PTPRA: variants seen among roughly 807,000 people sequenced by gnomAD.
The protein encoded by PTPRA is receptor-type tyrosine-protein phosphatase alpha.
Under a neutral mutation model 104.8 loss-of-function variants are expected in PTPRA, and 25 were observed. The observed-to-expected ratio is 0.24, with a 90% CI of 0.17 to 0.33. PTPRA has a LOEUF of 0.33. PTPRA is among the 10% of genes least tolerant of loss of function. The probability of loss-of-function intolerance (pLI) is 1.00; values close to 1 mark genes in which losing one functional copy is unlikely to be tolerated. For missense variants in PTPRA, 765 were observed against 1,015.3 expected, an observed-to-expected ratio of 0.75 and a Z score of 3.35; for synonymous variants, 323 against 368.9, an observed-to-expected ratio of 0.88 and a Z score of 1.43.
intron 1 of PTPRA, among the ~76,000 whole-genome samples, chr20:2,883,481 T>C (rs1265914288): frequency 2.6e-4 from 12 of 45,612 alleles, no homozygotes; most frequent in East Asian, 1.7e-3. Context: ...TGAAACCCCG[T>C]CTCCACTAAA....
chr20:2,909,313 G>C (rs953334004), intron 1 of PTPRA, among the ~76,000 whole-genome samples: 1 of 151,890 alleles, frequency 6.6e-6, no homozygotes, highest in African/African-American at 2.4e-5. Context: ...AACAAAACAG[G>C]CCTGGTGCGG....
At chr20:2,983,710 G>A (rs968764435) in intron 6 of PTPRA, among the ~76,000 whole-genome samples, 1 of 152,094 alleles carries the variant, frequency 6.6e-6, no homozygotes, top group African/African-American at 2.4e-5. Context: ...TTGAGCAACA[G>A]GGTGGGTTGG....
At chr20:2,926,124 T>C (rs997910730) in intron 2 of PTPRA, among the ~76,000 whole-genome samples, 2 of 152,188 alleles carry the variant, frequency 1.3e-5, no homozygotes, top group African/African-American at 2.4e-5. Context: ...GACAACATAA[T>C]TCTTTGCCTC....
chr20:2,927,010 C>CA (rs1338271015), intron 2 of PTPRA, among the ~76,000 whole-genome samples: 1 of 151,828 alleles, frequency 6.6e-6, no homozygotes, highest in Non-Finnish European at 1.5e-5. Flanking sequence ...AAGCTGGTCT[C>CA]AAACTTCTGG....
chr20:2,925,080 A>G (rs1413728658), intron 2 of PTPRA, among the ~76,000 whole-genome samples: 16 of 152,312 alleles, frequency 1.1e-4, no homozygotes, highest in Admixed American at 1.3e-4. Context: ...AAAGTATACA[A>G]TTCATTGGCA....
At chr20:2,941,477 T>G (rs1180382966) in intron 2 of PTPRA, among the ~76,000 whole-genome samples, 1 of 152,222 alleles carries the variant, frequency 6.6e-6, no homozygotes, top group African/African-American at 2.4e-5. Context: ...ATCTCCTTCC[T>G]TGTAACACTT....
the PTPRA span, chr20:2,866,501 A>C: frequency 6.2e-6 from 10 of 1,614,170 alleles, no homozygotes; most frequent in Non-Finnish European, 7.6e-6. Context: ...GTATTGTCCC[A>C]CTGCACGGGA....
At chr20:2,980,361 A>C (rs1404799210) in intron 6 of PTPRA, among the ~76,000 whole-genome samples, 1 of 151,894 alleles carries the variant, frequency 6.6e-6, no homozygotes, top group Non-Finnish European at 1.5e-5. Flanking sequence ...TGAGGTCAGG[A>C]GTTCAAGACC....
At chr20:3,020,075 A>T (rs1477216766) in intron 13 of PTPRA, among the ~76,000 whole-genome samples, 1 of 151,458 alleles carries the variant, frequency 6.6e-6, no homozygotes, top group African/African-American at 2.4e-5. Context: ...AAAGAGAGGG[A>T]GAGGGAGACC....
intron 6 of PTPRA, among the ~76,000 whole-genome samples, chr20:2,977,548 G>A (rs1283237081): frequency 6.6e-6 from 1 of 151,628 alleles, no homozygotes; most frequent in East Asian, 1.9e-4. Context: ...GGGACGCTGA[G>A]GTGGGAGGAT....
At chr20:2,897,739 CTT>C (rs1460856354) in intron 1 of PTPRA, among the ~76,000 whole-genome samples, 1 of 151,926 alleles carries the variant, frequency 6.6e-6, no homozygotes, top group Non-Finnish European at 1.5e-5. Context: ...TGGTTTTTGT[CTT>C]TGTTTTTGTT....
At chr20:2,928,252 C>T (rs2060379961) in intron 2 of PTPRA, among the ~76,000 whole-genome samples, 1 of 152,068 alleles carries the variant, frequency 6.6e-6, no homozygotes, top group Non-Finnish European at 1.5e-5. Flanking sequence ...TCTCCTGCCT[C>T]AGCCTCCTAA....
At chr20:2,952,126 G>C (rs866733059) in intron 3 of PTPRA, among the ~76,000 whole-genome samples, 22 of 140,290 alleles carry the variant, frequency 1.6e-4, no homozygotes, top group Middle Eastern at 6.8e-3. Flanking sequence ...CTCAAAAAAA[G>C]AAAAAAAAAA....
intron 20 of PTPRA, among the ~76,000 whole-genome samples, chr20:3,028,288 T>A (rs1470314010): frequency 6.6e-6 from 1 of 152,226 alleles, no homozygotes; most frequent in Non-Finnish European, 1.5e-5. Context: ...GCCTCATTGC[T>A]GACTACATAA....
intron 1 of PTPRA, among the ~76,000 whole-genome samples, chr20:2,898,193 T>G (rs2059091592): frequency 6.6e-6 from 1 of 151,994 alleles, no homozygotes; most frequent in Admixed American, 6.6e-5. Context: ...GCCTCTCGGG[T>G]TCACGCCATT....
chr20:2,909,827 TAGATAATATATATAATATA>T (rs1181351573), intron 1 of PTPRA, among the ~76,000 whole-genome samples: 1 of 123,232 alleles, frequency 8.1e-6, no homozygotes, highest in Non-Finnish European at 1.5e-5. Context: ...TAATATATAT[TAGATAATATATATAATATA>T]AGATAATATA....
At chr20:2,910,371 ATT>A (rs1342719329) in intron 1 of PTPRA, among the ~76,000 whole-genome samples, 1,952 of 84,428 alleles carry the variant, frequency 0.023, 152 homozygotes, top group Admixed American at 0.081. Flanking sequence ...TATATAATAT[ATT>A]TTGTATATTA....
rs1339948900 is a variant in PTPRA, at chr20:2,967,130, T to C, written c.415+1928T>C. Among the ~76,000 whole-genome samples, 8 of 152,358 alleles carry C rather than the reference T, an allele frequency of 5.3e-5. No individual in the cohort carries two copies. In the East Asian group the frequency reaches 1.5e-3, roughly 29 times the overall value. Reference sequence around the variant, plus strand: ...GAGGTTAAATGATTTGTTTTAGATCTCAAGGCTGACAAATTAGGCCTATTT... The same window carrying C: ...GAGGTTAAATGATTTGTTTTAGATCCCAAGGCTGACAAATTAGGCCTATTT... On this transcript the variant is annotated intron_variant, in intron 5 of 23. Transcript: ENST00000399903.
chr20:3,016,251 C>A (rs1330865950), intron 12 of PTPRA, among the ~76,000 whole-genome samples: 3 of 152,150 alleles, frequency 2.0e-5, no homozygotes, highest in Non-Finnish European at 4.4e-5. Flanking sequence ...GATCAGCCAC[C>A]TCACAGGGTC....
Sources: allele counts gnomAD v4.1 joint callset (sites outside exome capture counted in the v4.1 genomes callset), GRCh38; gene constraint gnomAD v4.1.1; transcripts MANE v1.5; gene names NCBI Gene and HGNC (gene_info 2026-07-23, HGNC 2026-07-21).